NAALADL2: variants seen among roughly 807,000 people sequenced by gnomAD.
NAALADL2 encodes the protein N-acetylated alpha-linked acidic dipeptidase like 2.
Under a neutral mutation model 87.2 loss-of-function variants are expected in NAALADL2, and 76 were observed. That is an observed-to-expected ratio of 0.87 (90% CI 0.72 to 1.05). The LOEUF (loss-of-function observed/expected upper bound fraction) is 1.05, where lower values mean the gene tolerates loss of function less well. NAALADL2 is among the 50% of genes least tolerant of loss of function. The pLI, the probability that NAALADL2 is intolerant of heterozygous loss-of-function variation, is 0.00. For synonymous variants in NAALADL2, 354 were observed against 331.0 expected, an observed-to-expected ratio of 1.07 and a Z score of -0.75; for missense variants, 1,089 against 945.8, an observed-to-expected ratio of 1.15 and a Z score of -1.99.
At chr3:174,743,676 C>T (rs1733972324) in intron 3 of NAALADL2, among the ~76,000 whole-genome samples, 1 of 151,584 alleles carries the variant, frequency 6.6e-6, no homozygotes, top group Admixed American at 6.6e-5. Flanking sequence ...CAATGTATTT[C>T]CAAATTAGAA....
chr3:175,465,186 A>G lies in NAALADL2; in HGVS notation c.1327+1693A>G, dbSNP rs985770958. ...AGAATGGCGTGAACCCGGGAGGCGG[A>G]GCTTGCAGTGAGCAGAGATCACGCC... On this transcript the variant is annotated intron_variant, in intron 7 of 13. Coordinates refer to ENST00000454872, the MANE Select transcript of NAALADL2 (RefSeq NM_207015.3). Among the ~76,000 whole-genome samples the G allele has an allele frequency of 2.7e-4, 41 of 149,810 alleles. 3 individuals carry two copies. The highest frequency in any genetic ancestry group is 1.3e-3 in the Admixed American group (19 of 14,962).
intron 9 of NAALADL2, among the ~76,000 whole-genome samples, chr3:175,500,224 C>G (rs1173768232): frequency 6.6e-6 from 1 of 151,946 alleles, no homozygotes; most frequent in Non-Finnish European, 1.5e-5. Flanking sequence ...AAATCGCTGC[C>G]ATTAGTGAAG....
intron 2 of NAALADL2, among the ~76,000 whole-genome samples, chr3:174,729,278 C>G (rs185845393): frequency 6.6e-6 from 1 of 152,106 alleles, no homozygotes; most frequent in East Asian, 1.9e-4. Context: ...AAAGTCTGTG[C>G]TTTACTAGTA....
intron 2 of NAALADL2, among the ~76,000 whole-genome samples, chr3:175,129,290 TTGTG>T (rs527842144): frequency 6.6e-6 from 1 of 151,146 alleles, no homozygotes; most frequent in Non-Finnish European, 1.5e-5. Flanking sequence ...AGTTACCATT[TTGTG>T]TGTGTGTGTG....
chr3:174,734,275 T>C (rs1732980788), intron 2 of NAALADL2, among the ~76,000 whole-genome samples: 1 of 152,236 alleles, frequency 6.6e-6, no homozygotes, highest in African/African-American at 2.4e-5. Context: ...TCCTGAATTA[T>C]GTGTGTGTAT....
intron 13 of NAALADL2, among the ~76,000 whole-genome samples, chr3:175,772,424 G>T (rs1415181130): frequency 2.6e-5 from 4 of 152,132 alleles, no homozygotes; most frequent in Non-Finnish European, 4.4e-5. Context: ...AGGAAGAAAA[G>T]ATGCTTCTAT....
At chr3:174,972,630 G>T (rs1239818289) in intron 1 of NAALADL2, among the ~76,000 whole-genome samples, 2 of 152,094 alleles carry the variant, frequency 1.3e-5, no homozygotes, top group African/African-American at 4.8e-5. Context: ...AGTACTGAGT[G>T]TTAGGACTGC....
At chr3:175,346,800 CTG>C (rs1763201284) in intron 5 of NAALADL2, among the ~76,000 whole-genome samples, 1 of 152,128 alleles carries the variant, frequency 6.6e-6, no homozygotes, top group African/African-American at 2.4e-5. Context: ...GAAGCAGAAA[CTG>C]TGTTCCTTGT....
intron 11 of NAALADL2, chr3:175,718,306 G>A (rs1741684320): frequency 1.3e-6 from 2 of 1,512,454 alleles, no homozygotes; most frequent in Non-Finnish European, 1.8e-6. Flanking sequence ...CGAAGCTCTT[G>A]CAGGACAACT....
intron 1 of NAALADL2, among the ~76,000 whole-genome samples, chr3:174,897,870 T>C (rs1360738526): frequency 1.3e-5 from 2 of 149,160 alleles, no homozygotes; most frequent in African/African-American, 2.6e-5. Context: ...TCCCAGCACT[T>C]TGGGAGGCCG....
At chr3:174,754,978 A>C (rs1476463672) in intron 3 of NAALADL2, among the ~76,000 whole-genome samples, 3 of 152,158 alleles carry the variant, frequency 2.0e-5, no homozygotes, top group African/African-American at 7.2e-5. Flanking sequence ...AAATTTATTC[A>C]TACTTCATAT....
intron 9 of NAALADL2, among the ~76,000 whole-genome samples, chr3:175,523,784 G>A (rs1733007874): frequency 6.6e-6 from 1 of 152,196 alleles, no homozygotes. Flanking sequence ...AGGAAAAATG[G>A]TTATGACAGA....
At chr3:175,244,112 A>G (rs6770167) in intron 3 of NAALADL2, among the ~76,000 whole-genome samples, 10,475 of 152,188 alleles carry the variant, frequency 0.069, 1,206 homozygotes, top group African/African-American at 0.24. Context: ...ATTTCATTCT[A>G]GGACCCTTAT....
chr3:174,989,961 T>A (rs1217439518), intron 1 of NAALADL2, among the ~76,000 whole-genome samples: 12 of 152,176 alleles, frequency 7.9e-5, no homozygotes, highest in African/African-American at 2.7e-4. Flanking sequence ...ATTTATTTGC[T>A]GCTTCACTTG....
chr3:174,660,917 G>T (rs565145174), intron 2 of NAALADL2, among the ~76,000 whole-genome samples: 3 of 152,180 alleles, frequency 2.0e-5, no homozygotes, highest in East Asian at 1.9e-4. Context: ...TTCTTTCAGG[G>T]TTATTAATAG....
chr3:175,772,960 A>T (rs1749709201), intron 13 of NAALADL2, among the ~76,000 whole-genome samples: 1 of 152,182 alleles, frequency 6.6e-6, no homozygotes, highest in African/African-American at 2.4e-5. Flanking sequence ...GAAGAAATAG[A>T]TACAGAGAAA....
At chr3:174,544,567 C>CTT (rs10575227) in intron 1 of NAALADL2, among the ~76,000 whole-genome samples, 57 of 115,132 alleles carry the variant, frequency 5.0e-4, no homozygotes, top group South Asian at 5.8e-4. Context: ...TTTTTGTTTT[C>CTT]TTTTTTTTTT....
intron 11 of NAALADL2, among the ~76,000 whole-genome samples, chr3:175,704,283 CCT>C (rs1739371992): frequency 6.6e-6 from 1 of 152,076 alleles, no homozygotes; most frequent in African/African-American, 2.4e-5. Context: ...CTTCCTTTTT[CCT>C]CTGTCATTCA....
intron 2 of NAALADL2, among the ~76,000 whole-genome samples, chr3:175,198,988 T>G (rs994102811): frequency 1.3e-5 from 2 of 152,152 alleles, no homozygotes; most frequent in African/African-American, 4.8e-5. Context: ...AGTGCATGTT[T>G]GCATCTGGAC....
Sources: gnomAD v4.1 joint callset for allele counts (sites outside exome capture counted in the v4.1 genomes callset) on GRCh38, gnomAD v4.1.1 for gene constraint, MANE v1.5 for transcripts, NCBI Gene and HGNC (gene_info 2026-07-23, HGNC 2026-07-21) for gene names.